Variants in PVT1 observed in about 807,000 individuals in gnomAD.
PVT1 encodes CXCR4/PVT1 fusion.
intron 3 of PVT1, among the ~76,000 whole-genome samples, chr8:127,985,933 C>T (rs1002529171): frequency 2.6e-5 from 4 of 152,214 alleles, no homozygotes; most frequent in Non-Finnish European, 5.9e-5. Context: ...TTGGTGGCTG[C>T]TCCTGGCTGC....
chr8:127,869,715 T>A (rs16902449), intron 2 of PVT1, among the ~76,000 whole-genome samples: 2,719 of 152,288 alleles, frequency 0.018, 88 homozygotes, highest in African/African-American at 0.062. Flanking sequence ...AAGAACATAG[T>A]AAATAATTGT....
chr8:127,814,558 C>T (rs1011611985), intron 2 of PVT1, among the ~76,000 whole-genome samples: 4 of 152,224 alleles, frequency 2.6e-5, no homozygotes, highest in African/African-American at 9.6e-5. Flanking sequence ...ATCTCCCTAG[C>T]AAACCCTTTG....
chr8:127,878,807 G>T (rs968607807), intron 2 of PVT1, among the ~76,000 whole-genome samples: 2 of 152,238 alleles, frequency 1.3e-5, no homozygotes, highest in Non-Finnish European at 2.9e-5. Flanking sequence ...GCTGCCCACA[G>T]GCATCTTGCA....
chr8:128,100,097 C>T (rs960882431), intron 6 of PVT1, among the ~76,000 whole-genome samples: 1 of 139,612 alleles, frequency 7.2e-6, no homozygotes, highest in Non-Finnish European at 1.6e-5. Context: ...AATTCTCCTT[C>T]CCTCCCTCCC....
At chr8:128,047,064 C>G (rs927574313) in intron 4 of PVT1, among the ~76,000 whole-genome samples, 1 of 152,220 alleles carries the variant, frequency 6.6e-6, no homozygotes, top group African/African-American at 2.4e-5. Context: ...TATCTTTTGA[C>G]TATCCAAAGG....
intron 4 of PVT1, among the ~76,000 whole-genome samples, chr8:128,051,458 A>G (rs1249280871): frequency 2.0e-5 from 3 of 152,194 alleles, no homozygotes; most frequent in Admixed American, 6.5e-5. Context: ...TTTGGACTTC[A>G]TGGATTGAGA....
intron 3 of PVT1, among the ~76,000 whole-genome samples, chr8:127,911,839 G>T (rs980164309): frequency 6.6e-6 from 1 of 152,192 alleles, no homozygotes; most frequent in Admixed American, 6.5e-5. Context: ...TGCTCCCTTT[G>T]GCCTCAGGCC....
intron 3 of PVT1, among the ~76,000 whole-genome samples, chr8:127,953,787 AT>A (rs1260592378): frequency 6.6e-6 from 1 of 151,760 alleles, no homozygotes; most frequent in Non-Finnish European, 1.5e-5. Flanking sequence ...TGACTGGAAC[AT>A]TTTTTTTCTT....
rs142215165 is a variant in PVT1, at chr8:127,998,979, C to T, written n.912+9688C>T. On this transcript the variant is annotated intron_variant and non_coding_transcript_variant, in intron 4 of 10. Coordinates refer to ENST00000651587, the Ensembl canonical transcript of PVT1. The stretch of plus-strand genomic sequence containing the variant: ...AATCAGCCATTTCTTCAAGGATCCC[C>T]TGTCATTTTACTGGAGAAAGGACTT... Among the ~76,000 whole-genome samples the T allele has an allele frequency of 4.5e-3, 691 of 152,278 alleles. 4 individuals carry two copies. Among genetic ancestry groups the T allele is most frequent in the African/African-American group, 0.016 (660 of 41,556 alleles).
chr8:128,064,431 T>C (rs1813876164), intron 4 of PVT1, among the ~76,000 whole-genome samples: 1 of 152,184 alleles, frequency 6.6e-6, no homozygotes, highest in Non-Finnish European at 1.5e-5. Flanking sequence ...CCCTCCTTCC[T>C]CCTCCCTAAT....
chr8:127,961,982 T>C (rs905125982), intron 3 of PVT1, among the ~76,000 whole-genome samples: 3 of 147,388 alleles, frequency 2.0e-5, no homozygotes, highest in Non-Finnish European at 4.5e-5. Flanking sequence ...GAATGTAGAA[T>C]TTTTTTTTTT....
At chr8:128,079,025 T>C (rs1461795098) in intron 5 of PVT1, among the ~76,000 whole-genome samples, 1 of 149,612 alleles carries the variant, frequency 6.7e-6, no homozygotes, top group Non-Finnish European at 1.5e-5. Flanking sequence ...TTTTTTTACA[T>C]AGTTGTTATC....
At chr8:127,855,171 A>G in intron 2 of PVT1, 1 of 398,680 alleles carries the variant, frequency 2.5e-6, no homozygotes, top group East Asian at 3.6e-5. Flanking sequence ...AGCTGTCTGC[A>G]GTGCAGGAAG....
intron 3 of PVT1, among the ~76,000 whole-genome samples, chr8:127,977,934 T>C (rs892947581): frequency 6.6e-6 from 1 of 152,178 alleles, no homozygotes; most frequent in African/African-American, 2.4e-5. Flanking sequence ...TGATGGGTGT[T>C]AGGTGACAGC....
At chr8:127,809,043 A>AG (rs58237400) in intron 2 of PVT1, among the ~76,000 whole-genome samples, 16,953 of 146,934 alleles carry the variant, frequency 0.12, 1,465 homozygotes, top group Non-Finnish European at 0.15. Flanking sequence ...AAAAAAAAAA[A>AG]AAAAAAAAAA....
At chr8:127,969,906 A>G (rs1816744162) in intron 3 of PVT1, among the ~76,000 whole-genome samples, 1 of 152,218 alleles carries the variant, frequency 6.6e-6, no homozygotes, top group South Asian at 2.1e-4. Context: ...AGGACAGAGC[A>G]GGAGCAGCGC....
chr8:128,085,657 G>A (rs949444980), intron 5 of PVT1, among the ~76,000 whole-genome samples: 1 of 152,202 alleles, frequency 6.6e-6, no homozygotes, highest in Middle Eastern at 3.4e-3. Flanking sequence ...TTCATTTTAC[G>A]ACTCACCCTT....
chr8:127,976,518 G>T (rs1816824101), intron 3 of PVT1, among the ~76,000 whole-genome samples: 1 of 152,080 alleles, frequency 6.6e-6, no homozygotes, highest in Non-Finnish European at 1.5e-5. Context: ...TCTCCACCTG[G>T]CCCCCAGAAG....
intron 3 of PVT1, among the ~76,000 whole-genome samples, chr8:127,910,093 C>T (rs754127995): frequency 3.9e-5 from 6 of 151,970 alleles, no homozygotes; most frequent in Admixed American, 1.3e-4. Context: ...CTGCACACCA[C>T]GTCCGTCCTC....
Sources: gnomAD v4.1 joint callset for allele counts (sites outside exome capture counted in the v4.1 genomes callset) on GRCh38, gnomAD v4.1.1 for gene constraint, MANE v1.5 for transcripts, NCBI Gene and HGNC (gene_info 2026-07-23, HGNC 2026-07-21) for gene names.